The following KCNQ5 variants were observed in gnomAD, a reference collection of about 807,000 sequenced individuals.
KCNQ5 encodes the protein potassium voltage-gated channel subfamily KQT member 5.
KCNQ5 carries 30 observed loss-of-function variants against 98.2 expected under a neutral mutation model. The ratio of observed to expected loss-of-function variants is 0.31; its 90% confidence interval spans 0.23 to 0.41. The LOEUF is 0.41. KCNQ5 is among the 10% of genes least tolerant of loss of function. The probability of loss-of-function intolerance (pLI) is 1.00; values close to 1 mark genes in which losing one functional copy is unlikely to be tolerated. For missense variants in KCNQ5, 835 were observed against 1,182.5 expected (o/e 0.71, Z 4.31); for synonymous variants, 458 against 449.4 (o/e 1.02, Z -0.24).
chr6:73,075,358 G>A (rs1389140765), intron 3 of KCNQ5, among the ~76,000 whole-genome samples: 4 of 151,990 alleles, frequency 2.6e-5, no homozygotes, highest in Non-Finnish European at 5.9e-5. Flanking sequence ...AAGTAGCTGG[G>A]ATTACAGGCA....
chr6:73,106,657 G>A lies in KCNQ5; in HGVS notation c.1029+1290G>A, dbSNP rs147526220. Reference sequence around the variant, plus strand: ...GATTAGGGTCCATCCTAATGACCTCGTTTTAACTTGATTACCTCTGTAAGG... The same window carrying A: ...GATTAGGGTCCATCCTAATGACCTCATTTTAACTTGATTACCTCTGTAAGG... On this transcript the variant is annotated intron_variant, in intron 6 of 13. Coordinates refer to ENST00000370398, the MANE Select transcript of KCNQ5 (RefSeq NM_019842.4). 8.9e-4 allele frequency among the ~76,000 whole-genome samples: 135 copies of A among 152,270 alleles called. 1 individual carries two copies. The highest frequency in any genetic ancestry group is 3.0e-3 in the African/African-American group (124 of 41,556).
At chr6:73,134,170 G>A (rs1410314653) in intron 10 of KCNQ5, 4 of 278,328 alleles carry the variant, frequency 1.4e-5, no homozygotes, top group African/African-American at 8.7e-5. Flanking sequence ...TTATTTCGAA[G>A]TCTTCCAATG....
At chr6:72,961,371 C>T (rs1295192267) in intron 1 of KCNQ5, among the ~76,000 whole-genome samples, 3 of 152,052 alleles carry the variant, frequency 2.0e-5, no homozygotes, top group Non-Finnish European at 4.4e-5. Context: ...AATCCCAGCA[C>T]TTTGGGAGGC....
chr6:72,805,796 T>C (rs1774925501), intron 1 of KCNQ5, among the ~76,000 whole-genome samples: 1 of 152,138 alleles, frequency 6.6e-6, no homozygotes, highest in South Asian at 2.1e-4. Flanking sequence ...TCCCCACCTA[T>C]GGACATGGAA....
chr6:72,904,018 TAA>T (rs1779605987), intron 1 of KCNQ5, among the ~76,000 whole-genome samples: 1 of 152,224 alleles, frequency 6.6e-6, no homozygotes, highest in Non-Finnish European at 1.5e-5. Flanking sequence ...GCTCTAGTGT[TAA>T]GTCCATATAT....
intron 1 of KCNQ5, among the ~76,000 whole-genome samples, chr6:72,665,331 A>G (rs557827916): frequency 8.1e-5 from 11 of 135,260 alleles, no homozygotes; most frequent in African/African-American, 2.9e-4. Flanking sequence ...ACGACAGAGT[A>G]ATACCCTGTC....
At chr6:73,028,386 C>G (rs1204447941) in intron 2 of KCNQ5, among the ~76,000 whole-genome samples, 2 of 152,170 alleles carry the variant, frequency 1.3e-5, no homozygotes, top group Non-Finnish European at 2.9e-5. Flanking sequence ...GAGTTGTTTC[C>G]TTTACAGCTT....
At chr6:72,760,373 A>G (rs957250476) in intron 1 of KCNQ5, among the ~76,000 whole-genome samples, 48 of 152,084 alleles carry the variant, frequency 3.2e-4, no homozygotes, top group African/African-American at 1.1e-3. Context: ...GTGGAAAAGG[A>G]GAGCCAGTGG....
At chr6:72,658,256 T>C (rs1268708774) in intron 1 of KCNQ5, among the ~76,000 whole-genome samples, 2 of 152,132 alleles carry the variant, frequency 1.3e-5, no homozygotes, top group African/African-American at 2.4e-5. Flanking sequence ...TTTTTGGTGA[T>C]GTGTAAAGAA....
chr6:72,712,953 G>C (rs371561180), intron 1 of KCNQ5, among the ~76,000 whole-genome samples: 4 of 152,066 alleles, frequency 2.6e-5, no homozygotes, highest in Non-Finnish European at 4.4e-5. Flanking sequence ...GATAATCTAC[G>C]TGGCAACAAA....
intron 1 of KCNQ5, among the ~76,000 whole-genome samples, chr6:72,656,541 A>T (rs1766203338): frequency 6.6e-6 from 1 of 152,236 alleles, no homozygotes; most frequent in Non-Finnish European, 1.5e-5. Flanking sequence ...TATCTTTGCA[A>T]TATTAAAATG....
intron 1 of KCNQ5, among the ~76,000 whole-genome samples, chr6:72,998,682 G>A (rs1279571850): frequency 2.0e-5 from 3 of 151,610 alleles, no homozygotes; most frequent in Non-Finnish European, 4.4e-5. Context: ...GCTTGCAGTA[G>A]GTCAAGATCA....
chr6:72,654,774 A>G (rs1416311437), intron 1 of KCNQ5, among the ~76,000 whole-genome samples: 1 of 152,132 alleles, frequency 6.6e-6, no homozygotes, highest in Non-Finnish European at 1.5e-5. Context: ...TTACCTATTT[A>G]CACATGAAAA....
intron 10 of KCNQ5, among the ~76,000 whole-genome samples, chr6:73,165,803 T>G (rs1815729): frequency 0.71 from 107,547 of 151,736 alleles, 39,393 homozygotes; most frequent in African/African-American, 0.88. Context: ...AAATTAGCCG[T>G]GTGTGGTGGT....
chr6:73,064,816 T>G (rs558864215), intron 3 of KCNQ5, among the ~76,000 whole-genome samples: 2 of 152,276 alleles, frequency 1.3e-5, no homozygotes, highest in East Asian at 3.9e-4. Flanking sequence ...GAATTACACC[T>G]AGGTAATTTA....
In KCNQ5 at chr6:73,003,956, C is replaced by A. The variant is rs746981700; in HGVS notation, c.447C>A (p.Ile149=). The A allele has an allele frequency of 6.2e-7, 1 of 1,613,376 alleles. No individual in the cohort carries two copies. The highest frequency in any genetic ancestry group is 8.5e-7 in the Non-Finnish European group (1 of 1,179,478). Residue 149 remains isoleucine, a synonymous_variant, in exon 2 of 14, where the codon ATC becomes ATA. Transcript: ENST00000370398. ...GCLILSVFST[I]PEHTKLASSC... ...TGATTTTGTCAGTGTTTTCTACCAT[C>A]CCTGAGCACACAAAATTGGCCTCAA...
intron 1 of KCNQ5, among the ~76,000 whole-genome samples, chr6:72,896,127 G>A (rs896671375): frequency 6.2e-4 from 94 of 152,226 alleles, no homozygotes; most frequent in Middle Eastern, 3.4e-3. Context: ...AGTACCCAAT[G>A]AGCCTTTGTA....
chr6:72,975,830 T>C (rs969796971), intron 1 of KCNQ5, among the ~76,000 whole-genome samples: 1 of 152,342 alleles, frequency 6.6e-6, no homozygotes, highest in Non-Finnish European at 1.5e-5. Flanking sequence ...CAAGTTCTTA[T>C]GACTGCTTTA....
intron 1 of KCNQ5, among the ~76,000 whole-genome samples, chr6:72,815,250 C>T (rs753323954): frequency 2.0e-5 from 3 of 152,054 alleles, no homozygotes; most frequent in Non-Finnish European, 4.4e-5. Flanking sequence ...ATAGAAACTG[C>T]AAATCACTCA....
Sources: allele counts gnomAD v4.1 joint callset (sites outside exome capture counted in the v4.1 genomes callset), GRCh38; gene constraint gnomAD v4.1.1; transcripts MANE v1.5; gene names NCBI Gene and HGNC (gene_info 2026-07-23, HGNC 2026-07-21).